Variants in USP39 observed in about 807,000 individuals in gnomAD.
USP39 encodes ubiquitin specific peptidase 39, also known as ubiquitin carboxyl-terminal hydrolase 39.
A neutral mutation model predicts 66.4 loss-of-function variants in USP39; 38 were observed. The ratio of observed to expected loss-of-function variants is 0.57; its 90% CI spans 0.44 to 0.75. USP39 has a LOEUF of 0.75. USP39 is among the 30% of genes least tolerant of loss of function. The pLI is 0.00. For synonymous variants in USP39, 303 were observed against 274.6 expected (o/e 1.10, Z -1.02); for missense variants, 608 against 714.4 (o/e 0.85, Z 1.70).
At chr2:85,619,709 T>G (rs924177173) in intron 2 of USP39, among the ~76,000 whole-genome samples, 1 of 151,944 alleles carries the variant, frequency 6.6e-6, no homozygotes, top group Non-Finnish European at 1.5e-5. Flanking sequence ...CAACCTATAT[T>G]GTAGGGGAAT....
upstream of USP39, chr2:85,611,671 G>A (rs1573378510): frequency 6.4e-7 from 1 of 1,561,244 alleles, no homozygotes; most frequent in Non-Finnish European, 8.7e-7. Flanking sequence ...GCCTCACCTC[G>A]GTGTCGCGGC....
At chr2:85,630,306 T>C (rs1675220955) in intron 5 of USP39, among the ~76,000 whole-genome samples, 1 of 152,152 alleles carries the variant, frequency 6.6e-6, no homozygotes, top group Non-Finnish European at 1.5e-5. Context: ...GTTTCCTAGG[T>C]AGTTATTTTT....
intron 1 of USP39, among the ~76,000 whole-genome samples, chr2:85,604,335 G>C (rs929759369): frequency 1.3e-5 from 2 of 152,036 alleles, no homozygotes; most frequent in Non-Finnish European, 2.9e-5. Flanking sequence ...TCAGCCTCCC[G>C]AGTAGCTGGG....
intron 1 of USP39, among the ~76,000 whole-genome samples, chr2:85,618,445 C>T (rs917316740): frequency 6.6e-6 from 1 of 151,356 alleles, no homozygotes; most frequent in African/African-American, 2.4e-5. Flanking sequence ...GCCTGTAGTC[C>T]CAGCTACTCG....
In USP39 at chr2:85,648,955, G is replaced by A. The variant is rs914477204; in HGVS notation, c.*147G>A. ...TTCTGGCTACACCAGAGCACCAAGA[G>A]CCCACTTGCCTGGGATGGCCCCACA... is the stretch of plus-strand genomic sequence containing the variant. On this transcript the variant is annotated 3_prime_UTR_variant, in exon 13 of 13. Transcript: ENST00000323701. The A allele has an allele frequency of 7.0e-6, 6 of 862,430 alleles. No homozygotes were observed. Among genetic ancestry groups the A allele is most frequent in the Middle Eastern group, 3.6e-4 (1 of 2,740 alleles). 53.4% of individuals were successfully genotyped at this position (862,430 alleles called of 1,614,324 possible).
At chr2:85,640,659 G>T (rs1676165131) in intron 9 of USP39, among the ~76,000 whole-genome samples, 1 of 147,124 alleles carries the variant, frequency 6.8e-6, no homozygotes, top group African/African-American at 2.5e-5. Context: ...TTTTAGTAGA[G>T]ATGGGGTTTC....
At chr2:85,625,933 G>A (rs983354362) in intron 5 of USP39, among the ~76,000 whole-genome samples, 2 of 151,992 alleles carry the variant, frequency 1.3e-5, no homozygotes, top group Admixed American at 6.6e-5. Context: ...TGGGAGAATC[G>A]CTTGAATCCG....
Position 85,619,321 on chromosome 2 carries a change from A to G in USP39, c.338+32A>G, listed in dbSNP as rs746088996. The G allele has an allele frequency of 7.5e-6, 12 of 1,606,194 alleles. No homozygotes were observed. In the Admixed American group the frequency reaches 1.9e-4, roughly 25 times the overall value. Reference sequence around the variant, plus strand: ...AGGACAGAGATGCTGAGTATAGCACAAGAACAATGGAATCTGTGCAGAAAG... The same window carrying G: ...AGGACAGAGATGCTGAGTATAGCACGAGAACAATGGAATCTGTGCAGAAAG... On this transcript the variant is annotated intron_variant, in intron 2 of 12. Transcript: ENST00000323701.
At position 85,636,141 on chromosome 2, in the gene USP39, T is replaced by G; in HGVS notation, c.1027+11T>G. On this transcript the variant is annotated intron_variant, in intron 7 of 12. Coordinates refer to ENST00000323701, the MANE Select transcript of USP39 (RefSeq NM_006590.4). The stretch of plus-strand genomic sequence containing the variant: ...AGAAGAAAAAGAAGAGTAAGTCATT[T>G]ACTTATAAAAAGGAGTTATTTTGTT... 1 of 1,612,674 alleles carries G rather than the reference T, an allele frequency of 6.2e-7. No homozygotes were observed. The highest frequency in any genetic ancestry group is 8.5e-7 in the Non-Finnish European group (1 of 1,179,434).
chr2:85,611,848 TGGC>T, upstream of USP39: 1 of 1,599,726 alleles, frequency 6.3e-7, no homozygotes, highest in Non-Finnish European at 8.5e-7. Flanking sequence ...CCAGGAGTGG[TGGC>T]GGCGGCGGCG....
chr2:85,627,967 G>C (rs1403171772), intron 5 of USP39, among the ~76,000 whole-genome samples: 1 of 151,732 alleles, frequency 6.6e-6, no homozygotes, highest in East Asian at 1.9e-4. Flanking sequence ...TTCTTATTTG[G>C]CCTTTAAATT....
chr2:85,645,804 A>G (rs933166490), intron 11 of USP39: 3 of 152,012 alleles, frequency 2.0e-5, no homozygotes, highest in Non-Finnish European at 4.4e-5. Context: ...TGTCTTTTCT[A>G]TTTTTCAAGT....
intron 3 of USP39, among the ~76,000 whole-genome samples, chr2:85,622,716 GATGCC>G (rs2104254576): frequency 6.7e-6 from 1 of 149,302 alleles, no homozygotes; most frequent in Non-Finnish European, 1.5e-5. Flanking sequence ...ACACCAAGCA[GATGCC>G]ATGTACATAG....
chr2:85,606,183 T>G (rs1226870605), intron 1 of USP39, among the ~76,000 whole-genome samples: 1 of 152,236 alleles, frequency 6.6e-6, no homozygotes, highest in Non-Finnish European at 1.5e-5. Context: ...TGCGCGTTTT[T>G]TAAAGACAGC....
At chr2:85,637,311 T>A in intron 7 of USP39, 58 bp from the exon 8 acceptor site, 1 of 1,575,266 alleles carries the variant, frequency 6.3e-7, no homozygotes, top group Non-Finnish European at 8.7e-7. Context: ...GCTGGAAATA[T>A]ACTTCAGACA....
intron 6 of USP39, among the ~76,000 whole-genome samples, chr2:85,634,880 A>G (rs1488797168): frequency 1.3e-5 from 2 of 152,196 alleles, no homozygotes; most frequent in Non-Finnish European, 2.9e-5. Flanking sequence ...AGCTTTTGGC[A>G]GCTTGGAAAG....
intron 9 of USP39, among the ~76,000 whole-genome samples, chr2:85,640,509 G>A (rs111248305): frequency 1.6e-3 from 235 of 150,704 alleles, no homozygotes; most frequent in Middle Eastern, 7.1e-3. Flanking sequence ...GGCTGGTCTC[G>A]ATCTCCTGGC....
At chr2:85,621,205 A>G (rs1573399348) in intron 2 of USP39, 1 of 245,914 alleles carries the variant, frequency 4.1e-6, no homozygotes, top group Non-Finnish European at 7.9e-6. Context: ...CTTTCTCTCT[A>G]GAGAAAGTGA....
chr2:85,637,353 C>A lies in USP39; in HGVS notation c.1028-16C>A. On this transcript the variant is annotated splice_polypyrimidine_tract_variant and intron_variant, in intron 7 of 12. Transcript: ENST00000323701. ...CCATCCTCACGGAATTTGTCTCTTG[C>A]TTCCTGTTTGTGCAGCTATTGTGAC... 2.5e-6 allele frequency: 4 copies of A among 1,614,034 alleles called. No individual in the cohort carries two copies. Among genetic ancestry groups the A allele is most frequent in the Non-Finnish European group, 3.4e-6 (4 of 1,179,956 alleles).
Sources: gnomAD v4.1 joint callset for allele counts (sites outside exome capture counted in the v4.1 genomes callset) on GRCh38, gnomAD v4.1.1 for gene constraint, MANE v1.5 for transcripts, NCBI Gene and HGNC (gene_info 2026-07-23, HGNC 2026-07-21) for gene names.